Variants in MYO3B observed in about 807,000 individuals in gnomAD.
MYO3B encodes myosin-IIIb.
A neutral mutation model predicts 174.6 loss-of-function variants in MYO3B; 156 were observed. That is an observed-to-expected ratio of 0.89 (90% CI 0.78 to 1.02). The LOEUF is 1.02. MYO3B is among the 50% of genes least tolerant of loss of function. The pLI, the probability that MYO3B is intolerant of heterozygous loss-of-function variation, is 0.00. For synonymous variants in MYO3B, 563 were observed against 569.1 expected, an observed-to-expected ratio of 0.99 and a Z score of 0.15; for missense variants, 1,632 against 1,639.4, an observed-to-expected ratio of 1.00 and a Z score of 0.08.
At chr2:170,410,149 T>C (rs936948792) in intron 22 of MYO3B, among the ~76,000 whole-genome samples, 2 of 152,234 alleles carry the variant, frequency 1.3e-5, no homozygotes, top group Non-Finnish European at 2.9e-5. Context: ...GTCACTTTTA[T>C]TTTTCCTTGC....
chr2:170,643,063 T>C (rs1310853565), intron 32 of MYO3B, among the ~76,000 whole-genome samples: 2 of 151,988 alleles, frequency 1.3e-5, no homozygotes, highest in Admixed American at 1.3e-4. Context: ...GTCCAGGCTT[T>C]GACCCGGGCA....
chr2:170,193,906 CTTAT>C (rs1431686745), intron 1 of MYO3B, among the ~76,000 whole-genome samples: 1 of 152,070 alleles, frequency 6.6e-6, no homozygotes, highest in African/African-American at 2.4e-5. Flanking sequence ...AATTTTCACC[CTTAT>C]TTTTCTGTTT....
chr2:170,305,250 C>G (rs2093693200), intron 7 of MYO3B, among the ~76,000 whole-genome samples: 1 of 152,112 alleles, frequency 6.6e-6, no homozygotes, highest in East Asian at 1.9e-4. Context: ...TTTGGAGTAT[C>G]TATCCTACAC....
In MYO3B at chr2:170,649,124, G is replaced by T. The variant is rs181231202; in HGVS notation, c.3734-2504G>T. 6.0e-4 allele frequency among the ~76,000 whole-genome samples: 12 copies of T among 20,002 alleles called. 2 individuals are homozygous for T. Among genetic ancestry groups the T allele is most frequent in the Admixed American group, 8.7e-4 (1 of 1,152 alleles). 13.1% of individuals were successfully genotyped at this position (20,002 alleles called of 152,430 possible). A position where few individuals can be genotyped will look rare whatever the true frequency, so the allele number is the denominator to read the frequency against. Reference sequence around the variant, plus strand: ...TATTATATATAAAATAATATATAATGTATATAAAATAATATATAATATATT... The same window carrying T: ...TATTATATATAAAATAATATATAATTTATATAAAATAATATATAATATATT... On this transcript the variant is annotated intron_variant, in intron 32 of 34. Coordinates refer to ENST00000408978, the MANE Select transcript of MYO3B (RefSeq NM_138995.5).
chr2:170,384,227 T>G (rs2094357047), intron 12 of MYO3B, among the ~76,000 whole-genome samples: 1 of 152,154 alleles, frequency 6.6e-6, no homozygotes, highest in African/African-American at 2.4e-5. Context: ...GTATGAAATA[T>G]TGCACAGAGG....
intron 25 of MYO3B, among the ~76,000 whole-genome samples, chr2:170,466,933 A>G (rs939247523): frequency 6.6e-6 from 1 of 152,156 alleles, no homozygotes; most frequent in Non-Finnish European, 1.5e-5. Context: ...CATTATTTTA[A>G]ATTTCCATAT....
intron 23 of MYO3B, among the ~76,000 whole-genome samples, chr2:170,459,546 C>T (rs879845605): frequency 1.2e-4 from 19 of 152,232 alleles, no homozygotes; most frequent in African/African-American, 4.1e-4. Context: ...CAAGTCCCCA[C>T]CCCCACCCAG....
chr2:170,401,708 G>A lies in MYO3B; in HGVS notation c.2129+17G>A, dbSNP rs746420004. The A allele has an allele frequency of 6.2e-7, 1 of 1,610,166 alleles. No individual in the cohort carries two copies. The highest frequency in any genetic ancestry group is 8.5e-7 in the Non-Finnish European group (1 of 1,178,796). On this transcript the variant is annotated intron_variant, in intron 18 of 34. Coordinates refer to ENST00000408978, the MANE Select transcript of MYO3B (RefSeq NM_138995.5). Reference sequence around the variant, plus strand: ...AAACATATGGCAAGTTCCTCGGAGAGCAGAGGGTCTCAGGAGAGCTGTCAT... The same window carrying A: ...AAACATATGGCAAGTTCCTCGGAGAACAGAGGGTCTCAGGAGAGCTGTCAT...
chr2:170,570,031 T>A (rs576655681), intron 32 of MYO3B, among the ~76,000 whole-genome samples: 1 of 152,152 alleles, frequency 6.6e-6, no homozygotes. Flanking sequence ...CATGAGCATA[T>A]TTCACCTACC....
Position 170,597,000 on chromosome 2 carries a change from A to C in MYO3B, c.3733+53012A>C, listed in dbSNP as rs116807367. On this transcript the variant is annotated intron_variant, in intron 32 of 34. Transcript: ENST00000408978. ...GGCTGGGGTGGGGAATCTCCGTTTC[A>C]GGGATGTAGTGCCAGAATTCTGAGC... 3.2e-3 allele frequency among the ~76,000 whole-genome samples: 480 copies of C among 152,158 alleles called. 3 individuals are homozygous for C. The highest frequency in any genetic ancestry group is 0.011 in the African/African-American group (466 of 41,504).
At chr2:170,546,469 GC>G (rs1690489065) in intron 32 of MYO3B, among the ~76,000 whole-genome samples, 1 of 152,196 alleles carries the variant, frequency 6.6e-6, no homozygotes, top group Admixed American at 6.5e-5. Flanking sequence ...TGTTTCTGAG[GC>G]AAGCTCCAAA....
intron 7 of MYO3B, among the ~76,000 whole-genome samples, chr2:170,261,782 T>G (rs1403272032): frequency 6.6e-6 from 1 of 152,226 alleles, no homozygotes; most frequent in Non-Finnish European, 1.5e-5. Context: ...AATCTGCATC[T>G]TTTTGGCTGA....
intron 30 of MYO3B, among the ~76,000 whole-genome samples, chr2:170,521,461 C>T (rs1034507934): frequency 6.6e-6 from 1 of 152,218 alleles, no homozygotes; most frequent in Admixed American, 6.5e-5. Flanking sequence ...CTGACTTCCT[C>T]AATCTCAACT....
intron 28 of MYO3B, among the ~76,000 whole-genome samples, chr2:170,509,759 TA>T (rs2106110891): frequency 6.6e-6 from 1 of 150,500 alleles, no homozygotes; most frequent in African/African-American, 2.5e-5. Flanking sequence ...CCTGCTTCTG[TA>T]AAGCCAGAAA....
At position 170,619,318 on chromosome 2, in the gene MYO3B, G is replaced by A. The variant is rs563690909; in HGVS notation, c.3734-32310G>A. Among the ~76,000 whole-genome samples, 37 of 152,244 alleles carry A rather than the reference G, an allele frequency of 2.4e-4. 3 individuals are homozygous for A. The highest frequency in any genetic ancestry group is 7.5e-4 in the African/African-American group (31 of 41,546). ...CTCTCTGCAGGGGGAATCACATCAC[G>A]TGCAGTTGGCTCATTCTGGCAGTCC... On this transcript the variant is annotated intron_variant, in intron 32 of 34. Transcript: ENST00000408978.
intron 30 of MYO3B, among the ~76,000 whole-genome samples, chr2:170,521,232 A>C (rs1375681672): frequency 6.6e-6 from 1 of 152,222 alleles, no homozygotes; most frequent in Non-Finnish European, 1.5e-5. Flanking sequence ...AAAGTACTTT[A>C]GACTACTTGC....
At chr2:170,547,125 C>G (rs1690549082) in intron 32 of MYO3B, among the ~76,000 whole-genome samples, 1 of 149,730 alleles carries the variant, frequency 6.7e-6, no homozygotes, top group Admixed American at 6.7e-5. Flanking sequence ...GGAGACCATC[C>G]TGGCTAACAC....
intron 8 of MYO3B, among the ~76,000 whole-genome samples, chr2:170,357,981 C>T (rs938807079): frequency 5.3e-5 from 8 of 151,984 alleles, no homozygotes; most frequent in African/African-American, 1.2e-4. Context: ...GGAGAAACTC[C>T]GTCTCTACTA....
intron 32 of MYO3B, among the ~76,000 whole-genome samples, chr2:170,631,984 A>C (rs1033362731): frequency 6.6e-6 from 1 of 152,204 alleles, no homozygotes; most frequent in Admixed American, 6.5e-5. Context: ...CCAGATTCAT[A>C]AAGCAAGTCT....
Sources: allele counts gnomAD v4.1 joint callset (sites outside exome capture counted in the v4.1 genomes callset), GRCh38; gene constraint gnomAD v4.1.1; transcripts MANE v1.5; gene names NCBI Gene and HGNC (gene_info 2026-07-23, HGNC 2026-07-21).